The following EPB41L2 variants were observed in gnomAD, a reference collection of about 807,000 sequenced individuals.
EPB41L2 encodes erythrocyte membrane protein band 4.1 like 2, also known as band 4.1-like protein 2.
Under a neutral mutation model 113.0 loss-of-function variants are expected in EPB41L2, and 43 were observed. The observed-to-expected ratio is 0.38, with a 90% confidence interval of 0.30 to 0.49. The LOEUF is 0.49. EPB41L2 is among the 20% of genes least tolerant of loss of function. The probability of loss-of-function intolerance (pLI) is 0.95; values close to 1 mark genes in which losing one functional copy is unlikely to be tolerated. For synonymous variants in EPB41L2, 442 were observed against 436.7 expected (o/e 1.01, Z -0.15); for missense variants, 1,147 against 1,223.4 (o/e 0.94, Z 0.93).
chr6:130,947,850 T>A (rs1813473593), intron 3 of EPB41L2, among the ~76,000 whole-genome samples: 1 of 152,164 alleles, frequency 6.6e-6, no homozygotes, highest in Non-Finnish European at 1.5e-5. Flanking sequence ...GAAAATGCAA[T>A]AAAATGGGGA....
At chr6:131,062,896 A>G (rs1307504201) in intron 1 of EPB41L2, among the ~76,000 whole-genome samples, 1 of 151,940 alleles carries the variant, frequency 6.6e-6, no homozygotes, top group African/African-American at 2.4e-5. Context: ...GCCCGGAGCA[A>G]CAGGACCCGG....
At chr6:130,952,256 G>A (rs1294131845) in intron 3 of EPB41L2, among the ~76,000 whole-genome samples, 1 of 151,696 alleles carries the variant, frequency 6.6e-6, no homozygotes, top group Non-Finnish European at 1.5e-5. Flanking sequence ...TGGGGAAACT[G>A]AAGAAGTAAA....
intron 1 of EPB41L2, among the ~76,000 whole-genome samples, chr6:131,048,158 GAAAA>G (rs71030726): frequency 1.9e-4 from 13 of 69,916 alleles, no homozygotes; most frequent in Middle Eastern, 6.5e-3. Flanking sequence ...AAAAAAAAAA[GAAAA>G]AAAGAAAAGA....
chr6:131,034,207 G>A (rs1057065155), intron 1 of EPB41L2, among the ~76,000 whole-genome samples: 2 of 152,110 alleles, frequency 1.3e-5, no homozygotes, highest in African/African-American at 4.8e-5. Flanking sequence ...GTTAACTATG[G>A]TTTCCTATCT....
intron 1 of EPB41L2, among the ~76,000 whole-genome samples, chr6:130,965,188 A>G (rs1196198418): frequency 6.6e-6 from 1 of 152,240 alleles, no homozygotes; most frequent in Non-Finnish European, 1.5e-5. Flanking sequence ...ACCAGGCACC[A>G]GTAATACAGA....
At position 130,955,241 on chromosome 6, in the gene EPB41L2, G is replaced by C. The variant is rs758929442; in HGVS notation, c.569C>G (p.Ala190Gly). 6.2e-6 allele frequency: 10 copies of C among 1,613,910 alleles called. No individual in the cohort carries two copies. In the Admixed American group the frequency reaches 1.3e-4, roughly 22 times the overall value. ...CTGCACTTCCTTGGTCTCCCTTTTT[G>C]CTGCTCCTCCTTCTAATTTGTCTTC... ...TQEDKLEGGA[A>G]KRETKEVQTN... is the part of the protein sequence containing the mutation. The change falls in exon 3 of 20, where the codon GCA becomes GGA. Residue 190 changes from alanine (A) to glycine (G), a missense_variant. Transcript: ENST00000337057.
Position 130,977,804 on chromosome 6 carries a change from T to C in EPB41L2, c.-14-21305A>G, listed in dbSNP as rs903013994. Among the ~76,000 whole-genome samples, 5 of 152,212 alleles carry C rather than the reference T, an allele frequency of 3.3e-5. No individual in the cohort carries two copies. In the East Asian group the frequency reaches 5.8e-4, roughly 18 times the overall value. ...AGTAGCAGCTGCTAACCTACCTATA[T>C]AATGGGATTGTTTTAAAGATCAAAA... On this transcript the variant is annotated intron_variant, in intron 1 of 19. Transcript: ENST00000337057.
At chr6:130,999,272 CT>C (rs1398054174) in intron 1 of EPB41L2, among the ~76,000 whole-genome samples, 1 of 152,170 alleles carries the variant, frequency 6.6e-6, no homozygotes, top group Non-Finnish European at 1.5e-5. Flanking sequence ...GCAAGTCTGT[CT>C]TACTTATTTC....
rs753090403 is a variant in EPB41L2, at chr6:130,901,109, G to C, written c.1001C>G (p.Ala334Gly). The C allele has an allele frequency of 5.6e-6, 9 of 1,614,152 alleles. No homozygotes were observed. The South Asian group carries it at 9.9e-5, about 18-fold the overall frequency. Reference protein sequence around the residue: ...GRLPCSFVTHALLGSYTLQAE... With the variant: ...GRLPCSFVTHGLLGSYTLQAE... ...CTGCAGGGTGTAGGATCCCAGGAGA[G>C]CATGAGTCACAAAAGAGCAGGGCAG... Residue 334 changes from alanine (A) to glycine (G), a missense_variant, in exon 7 of 20, where the codon GCT becomes GGT. By Grantham distance (60) the Ala-to-Gly change is moderately conservative. Transcript: ENST00000337057.
chr6:131,052,182 C>T (rs1369824779), intron 1 of EPB41L2, among the ~76,000 whole-genome samples: 1 of 152,166 alleles, frequency 6.6e-6, no homozygotes, highest in Admixed American at 6.5e-5. Context: ...GGCAATCCAA[C>T]TGCCTCAGCC....
At chr6:130,913,033 C>CT (rs760650146) in intron 4 of EPB41L2, among the ~76,000 whole-genome samples, 10 of 152,184 alleles carry the variant, frequency 6.6e-5, no homozygotes, top group Non-Finnish European at 1.0e-4. Flanking sequence ...ACAAAGGACC[C>CT]TTCTCTGTTC....
intron 1 of EPB41L2, among the ~76,000 whole-genome samples, chr6:130,994,410 A>AGT (rs991902792): frequency 6.6e-5 from 10 of 152,156 alleles, no homozygotes; most frequent in South Asian, 2.1e-4. Flanking sequence ...GGCAGGGCAG[A>AGT]GTGTGTCCTG....
chr6:130,974,721 T>C (rs892361742), intron 1 of EPB41L2, among the ~76,000 whole-genome samples: 1 of 121,140 alleles, frequency 8.3e-6, no homozygotes, highest in African/African-American at 3.0e-5. Flanking sequence ...TCTTTTCTTT[T>C]TTTTTTTTTT....
intron 12 of EPB41L2, chr6:130,880,562 G>A: frequency 3.6e-6 from 2 of 561,958 alleles, no homozygotes; most frequent in Non-Finnish European, 6.3e-6. Flanking sequence ...GTGCAAAGAA[G>A]CTGTATTTGA....
At chr6:130,850,646 G>A (rs1778530641) in intron 19 of EPB41L2, among the ~76,000 whole-genome samples, 1 of 152,048 alleles carries the variant, frequency 6.6e-6, no homozygotes, top group African/African-American at 2.4e-5. Flanking sequence ...TGGGACTTAT[G>A]GGTCACTGAC....
intron 4 of EPB41L2, among the ~76,000 whole-genome samples, chr6:130,911,548 A>G (rs548889061): frequency 1.3e-5 from 2 of 152,266 alleles, no homozygotes; most frequent in South Asian, 2.1e-4. Context: ...AAACAAGTCA[A>G]TAGTTACATC....
chr6:130,972,953 A>C (rs906305833), intron 1 of EPB41L2, among the ~76,000 whole-genome samples: 1 of 149,436 alleles, frequency 6.7e-6, no homozygotes, highest in African/African-American at 2.5e-5. Context: ...AAAAAAAAAA[A>C]AAAAAAAAAA....
At chr6:130,949,351 C>T (rs936017338) in intron 3 of EPB41L2, among the ~76,000 whole-genome samples, 1 of 152,126 alleles carries the variant, frequency 6.6e-6, no homozygotes, top group Non-Finnish European at 1.5e-5. Flanking sequence ...CCTGTAATCC[C>T]AGCACCTTGG....
At chr6:130,929,786 T>G (rs1280482321) in intron 3 of EPB41L2, among the ~76,000 whole-genome samples, 1 of 151,600 alleles carries the variant, frequency 6.6e-6, no homozygotes, top group Non-Finnish European at 1.5e-5. Context: ...CAACAATCTT[T>G]TGCTCTGGGG....
Sources: allele counts gnomAD v4.1 joint callset (sites outside exome capture counted in the v4.1 genomes callset), GRCh38; gene constraint gnomAD v4.1.1; transcripts MANE v1.5; gene names NCBI Gene and HGNC (gene_info 2026-07-23, HGNC 2026-07-21).